Variants in PHF1 observed in about 807,000 individuals in gnomAD.
PHF1 encodes the protein PHD finger protein 1.
PHF1 carries 16 observed loss-of-function variants against 69.4 expected under a neutral mutation model. That is an observed-to-expected ratio of 0.23 (90% CI 0.16 to 0.35). The LOEUF is 0.35. PHF1 is among the 10% of genes least tolerant of loss of function. The probability of loss-of-function intolerance (pLI) is 1.00; values close to 1 mark genes in which losing one functional copy is unlikely to be tolerated. For missense variants in PHF1, 515 were observed against 732.8 expected (o/e 0.70, Z 3.43); for synonymous variants, 274 against 275.0 (o/e 1.00, Z 0.04).
At chr6:33,411,705 C>G (rs915886113) in intron 1 of PHF1, among the ~76,000 whole-genome samples, 2 of 150,044 alleles carry the variant, frequency 1.3e-5, no homozygotes, top group African/African-American at 4.9e-5. Flanking sequence ...GGTTTGGGGT[C>G]GGGGGGAGGG....
Position 33,415,219 on chromosome 6 carries a change from T to C in PHF1, c.1240-16T>C, listed in dbSNP as rs1776370379. 6.2e-7 allele frequency: 1 copy of C among 1,613,138 alleles called. No individual in the cohort carries two copies. Among genetic ancestry groups the C allele is most frequent in the African/African-American group, 1.3e-5 (1 of 74,832 alleles). On this transcript the variant is annotated splice_polypyrimidine_tract_variant and intron_variant, in intron 12 of 14. Transcript: ENST00000374516. ...GAGTCAAGGATTATCTCTCAGTCCT[T>C]TGCCCCCTCTTCTAGGCCTCAGTGT...
At chr6:33,413,039 C>T in intron 4 of PHF1, 157 bp from the exon 5 acceptor site, 3 of 767,476 alleles carry the variant, frequency 3.9e-6, no homozygotes, top group East Asian at 2.5e-5. Flanking sequence ...GTCCCTTAAC[C>T]TCTAGGAGCC....
At position 33,414,101 on chromosome 6, in the gene PHF1, G is replaced by A. The variant is rs1472863798; in HGVS notation, c.744G>A (p.Gln248=). The A allele has an allele frequency of 1.2e-6, 2 of 1,614,030 alleles. No individual in the cohort carries two copies. Among genetic ancestry groups the A allele is most frequent in the Non-Finnish European group, 1.7e-6 (2 of 1,180,038 alleles). ...GCCCTGAGAAAGTCCGGAGACTACA[G>A]CTTCGCTGGTGAGCTGGATTGGGCA... The part of the protein sequence containing the change: ...RGGPEKVRRL[Q]LRWVDVAHLV... The change falls in exon 8 of 15, where the codon CAG becomes CAA. Residue 248 remains glutamine, a synonymous_variant. Coordinates refer to ENST00000374516, the MANE Select transcript of PHF1 (RefSeq NM_024165.3). This position sits in a 1 kb window ranked among gnomAD's most constrained non-coding sequence, Gnocchi z 5.0.
rs369954221 is a variant in PHF1, at chr6:33,415,289, G to A, written c.1294G>A (p.Gly432Ser). The change falls in exon 13 of 15, where the codon GGC (glycine) becomes AGC (serine). Residue 432 changes from glycine to serine, a missense_variant. Gly to Ser is a moderately conservative substitution (Grantham distance 56). Transcript: ENST00000374516. ...TAACCAGAGTTACCAGGGCAGCAGC[G>A]GCTACAACTTCCGGCCCACAGATGC... ...SPNQSYQGSS[G>S]YNFRPTDARC... 9.3e-6 allele frequency: 15 copies of A among 1,613,618 alleles called. No individual in the cohort carries two copies. Among genetic ancestry groups the A allele is most frequent in the East Asian group, 2.2e-5 (1 of 44,896 alleles).
rs772973458 is a variant in PHF1 at position 33,414,159 on chromosome 6, C to A, written c.752+50C>A. ...AGTGTAACTCCACACCACAGTATTTCACTCTATATGCCCCAACCTCCCACC... is the reference window on the plus strand; with the variant it reads ...AGTGTAACTCCACACCACAGTATTTAACTCTATATGCCCCAACCTCCCACC... On this transcript the variant is annotated intron_variant, in intron 8 of 14. Coordinates refer to ENST00000374516, the MANE Select transcript of PHF1 (RefSeq NM_024165.3). This position sits in a 1 kb window ranked among gnomAD's most constrained non-coding sequence, Gnocchi z 5.0. The A allele has an allele frequency of 5.6e-6, 9 of 1,613,680 alleles. No homozygotes were observed. The Admixed American group carries it at 1.5e-4, about 27-fold the overall frequency.
Position 33,414,310 on chromosome 6 carries a change from G to T in PHF1, c.820G>T (p.Asp274Tyr). ...CTGTAAGAAGAAATACTTTGATTTT[G>T]ATCGTGAGATCCTCCCCTTCACTTC... ...VCCKKKYFDF[D>Y]REILPFTSEN... The change falls in exon 9 of 15, where the codon GAT (aspartate) becomes TAT (tyrosine). Residue 274 changes from aspartate (D) to tyrosine (Y), a missense_variant. Asp to Tyr is a radical substitution (Grantham distance 160, BLOSUM62 -3). Coordinates refer to ENST00000374516, the MANE Select transcript of PHF1 (RefSeq NM_024165.3). This position sits in a 1 kb window ranked among gnomAD's most constrained non-coding sequence, Gnocchi z 5.0. The T allele has an allele frequency of 6.2e-7, 1 of 1,614,108 alleles. No homozygotes were observed. Among genetic ancestry groups the T allele is most frequent in the Non-Finnish European group, 8.5e-7 (1 of 1,180,022 alleles).
At chr6:33,411,900 C>T (rs993382639) in intron 1 of PHF1, among the ~76,000 whole-genome samples, 3 of 152,276 alleles carry the variant, frequency 2.0e-5, no homozygotes, top group African/African-American at 4.8e-5. Context: ...CGGTGGCTCA[C>T]GCCTGTAATC....
chr6:33,415,212 C>G (rs1206786927), intron 12 of PHF1, 23 bp from the exon 13 acceptor site: 2 of 1,611,398 alleles, frequency 1.2e-6, no homozygotes, highest in Non-Finnish European at 1.7e-6. Context: ...GATTATCTCT[C>G]AGTCCTTTGC....
chr6:33,413,442 C>T lies in PHF1; in HGVS notation c.472C>T (p.Arg158Trp), dbSNP rs747417262. 2 of 1,614,054 alleles carry T rather than the reference C, an allele frequency of 1.2e-6. No individual in the cohort carries two copies. Among genetic ancestry groups the T allele is most frequent in the Non-Finnish European group, 1.7e-6 (2 of 1,180,018 alleles). The change falls in exon 6 of 15, where the codon CGG (arginine) becomes TGG (tryptophan). Residue 158 changes from arginine to tryptophan, a missense_variant. Arg to Trp is a moderately radical substitution (Grantham distance 101). Coordinates refer to ENST00000374516, the MANE Select transcript of PHF1 (RefSeq NM_024165.3). ...TGCCCTGAAGAAGGGCCCCTATGCC[C>T]GGGCCATGCTGGGTATGAAGCTTTC... ...GGALKKGPYA[R>W]AMLGMKLSLP...
chr6:33,415,506 G>T (rs1339731028), intron 13 of PHF1, 84 bp from the exon 14 acceptor site: 1 of 1,420,948 alleles, frequency 7.0e-7, no homozygotes, highest in East Asian at 2.3e-5. Context: ...TCCCTTGGGG[G>T]TAGTGTTTGA....
rs1213360936 is a variant in PHF1 at position 33,413,814 on chromosome 6, C to T, written c.666C>T (p.Pro222=). The T allele has an allele frequency of 6.2e-7, 1 of 1,613,654 alleles. No homozygotes were observed. The highest frequency in any genetic ancestry group is 8.5e-7 in the Non-Finnish European group (1 of 1,179,914). Residue 222 remains proline (P), a synonymous_variant, in exon 7 of 15, where the codon CCC becomes CCT. Coordinates refer to ENST00000374516, the MANE Select transcript of PHF1 (RefSeq NM_024165.3). ...CCTGCACCCAGTGTCTGAGCAAGCC[C>T]CTCCTCTATGGGGACAGGTGAGACC... ...HEACTQCLSK[P]LLYGDRFYEF... is the part of the protein sequence containing the mutation.
chr6:33,415,560 A>T (rs1332109676), intron 13 of PHF1, 30 bp from the exon 14 acceptor site: 1 of 1,610,242 alleles, frequency 6.2e-7, no homozygotes, highest in South Asian at 1.1e-5. Context: ...CCCCTGCTTC[A>T]GGTCCTGACT....
Position 33,414,229 on chromosome 6 carries a change from CTT to C in PHF1, c.753-12_753-11del, listed in dbSNP as rs749075092. The C allele has an allele frequency of 6.2e-6, 10 of 1,614,094 alleles. No homozygotes were observed. Among genetic ancestry groups the C allele is most frequent in the Non-Finnish European group, 6.8e-6 (8 of 1,180,006 alleles). Reference sequence around the variant, plus strand: ...TAAAATGCCTCTGTGGTCTTGAAAACTTTGTTTTTCCAGGGTGGATGTGGCCC... The same window carrying C: ...TAAAATGCCTCTGTGGTCTTGAAAACTGTTTTTCCAGGGTGGATGTGGCCC... On this transcript the variant is annotated splice_polypyrimidine_tract_variant and intron_variant, in intron 8 of 14. Transcript: ENST00000374516. This position sits in a 1 kb window ranked among gnomAD's most constrained non-coding sequence, Gnocchi z 5.0.
chr6:33,411,764 C>T (rs1421065605), intron 1 of PHF1, among the ~76,000 whole-genome samples: 1 of 151,996 alleles, frequency 6.6e-6, no homozygotes, highest in African/African-American at 2.4e-5. Flanking sequence ...GAAGAGGACT[C>T]AAAAAGCTGG....
At chr6:33,415,350 C>A in intron 13 of PHF1, 21 bp downstream of exon 13, 1 of 1,567,860 alleles carries the variant, frequency 6.4e-7, no homozygotes, top group Non-Finnish European at 8.8e-7. Flanking sequence ...CTCTGCCCCT[C>A]CCCCACAAAA....
rs751391590 is a variant in PHF1, at chr6:33,413,396, C to T, written c.439-13C>T. On this transcript the variant is annotated splice_polypyrimidine_tract_variant and intron_variant, in intron 5 of 14. Transcript: ENST00000374516. ...CACCCCTCTGAAGCCACCCACCTGT[C>T]CTGTCTCTGCAGAGGGGAGGTGCCC... 1 of 1,614,060 alleles carries T rather than the reference C, an allele frequency of 6.2e-7. No homozygotes were observed. Among genetic ancestry groups the T allele is most frequent in the Admixed American group, 1.7e-5 (1 of 60,020 alleles).
Position 33,412,738 on chromosome 6 carries a change from C to T in PHF1, c.282C>T (p.Arg94=). ...AGGAACTCCTCTGTTGTGTCTGTCG[C>T]TCTGAGACTGTGGTCCCTGGGAACC... The part of the protein sequence containing the change: ...PGEELLCCVC[R]SETVVPGNRL... The change falls in exon 4 of 15, where the codon CGC becomes CGT. Residue 94 remains arginine, a synonymous_variant. Transcript: ENST00000374516. The surrounding 1 kb of genome is among the most constrained non-coding windows in gnomAD (Gnocchi z 4.2). The T allele has an allele frequency of 6.2e-7, 1 of 1,614,184 alleles. No homozygotes were observed. Among genetic ancestry groups the T allele is most frequent in the Non-Finnish European group, 8.5e-7 (1 of 1,180,034 alleles).
At chr6:33,415,499 C>CT (rs1202290587) in intron 13 of PHF1, 91 bp from the exon 14 acceptor site, 1 of 1,406,758 alleles carries the variant, frequency 7.1e-7, no homozygotes, top group Non-Finnish European at 1.0e-6. Flanking sequence ...AAGGGAGTCC[C>CT]TTGGGGGTAG....
At position 33,414,341 on chromosome 6, in the gene PHF1, A is replaced by T; in HGVS notation, c.851A>T (p.Asn284Ile). The change falls in exon 9 of 15, where the codon AAT becomes ATT. Residue 284 changes from asparagine (N) to isoleucine (I), a missense_variant. Coordinates refer to ENST00000374516, the MANE Select transcript of PHF1 (RefSeq NM_024165.3). This position sits in a 1 kb window ranked among gnomAD's most constrained non-coding sequence, Gnocchi z 5.0. Reference sequence around the variant, plus strand: ...GAGATCCTCCCCTTCACTTCTGAGAATTGGGACAGTTTGCTCCTGGGGGAG... The same window carrying T: ...GAGATCCTCCCCTTCACTTCTGAGATTTGGGACAGTTTGCTCCTGGGGGAG... ...DREILPFTSE[N>I]WDSLLLGELS... is the part of the protein sequence containing the mutation. 1 of 1,614,110 alleles carries T rather than the reference A, an allele frequency of 6.2e-7. No individual in the cohort carries two copies. The highest frequency in any genetic ancestry group is 8.5e-7 in the Non-Finnish European group (1 of 1,180,010).
Sources: gnomAD v4.1 joint callset for allele counts (sites outside exome capture counted in the v4.1 genomes callset) on GRCh38, gnomAD v4.1.1 for gene constraint, Gnocchi (gnomAD v3.1) non-coding constraint, MANE v1.5 for transcripts, NCBI Gene and HGNC (gene_info 2026-07-23, HGNC 2026-07-21) for gene names.